Variants in ANXA6 observed in about 807,000 individuals in gnomAD.
The protein encoded by ANXA6 is annexin A6, also known as 67 kDa calelectrin.
In ANXA6, 71 loss-of-function variants were observed where a neutral mutation model predicts 95.4. That is an observed-to-expected ratio of 0.74 (90% CI 0.61 to 0.91). The LOEUF (loss-of-function observed/expected upper bound fraction) is 0.91, where lower values mean the gene tolerates loss of function less well. Among genes scored for constraint, ANXA6 ranks in the 40% least tolerant of loss-of-function variants. ANXA6 has a pLI of 0.00. For synonymous variants in ANXA6, 289 were observed against 315.9 expected (o/e 0.91, Z 0.90); for missense variants, 830 against 876.4 (o/e 0.95, Z 0.67).
chr5:151,123,291 C>A (rs1017324065), intron 15 of ANXA6, among the ~76,000 whole-genome samples: 1 of 152,172 alleles, frequency 6.6e-6, no homozygotes, highest in African/African-American at 2.4e-5. Context: ...CTAGTTCTGG[C>A]TCTGGCAATG....
At chr5:151,110,517 A>T (rs1007329847) in intron 21 of ANXA6, 110 bp downstream of exon 21, 1 of 1,224,258 alleles carries the variant, frequency 8.2e-7, no homozygotes, top group Non-Finnish European at 1.2e-6. Context: ...GAGAGAGAGA[A>T]GCCGCACAGC....
At chr5:151,127,942 C>G (rs1765373583) in intron 13 of ANXA6, among the ~76,000 whole-genome samples, 1 of 152,178 alleles carries the variant, frequency 6.6e-6, no homozygotes, top group Non-Finnish European at 1.5e-5. Flanking sequence ...TCCAAGTTCA[C>G]AAGAGCAGAC....
intron 2 of ANXA6, chr5:151,140,605 T>TATATATATATATA (rs1561583202): frequency 2.8e-5 from 4 of 144,238 alleles, no homozygotes; most frequent in African/African-American, 5.2e-5. Flanking sequence ...TATATATATA[T>TATATATATATATA]TTTAAGAGAT....
At chr5:151,131,339 G>T (rs1765507329) in intron 10 of ANXA6, 50 bp from the exon 11 acceptor site, 15 of 1,581,146 alleles carry the variant, frequency 9.5e-6, no homozygotes, top group Non-Finnish European at 1.2e-5. Context: ...CTCAGAAGGG[G>T]GATGGGATGG....
chr5:151,118,088 A>G (rs930163358), intron 18 of ANXA6, among the ~76,000 whole-genome samples: 1 of 151,990 alleles, frequency 6.6e-6, no homozygotes, highest in African/African-American at 2.4e-5. Flanking sequence ...GTCCCATTGC[A>G]TCTCGCCTTT....
chr5:151,132,146 C>T (rs1472243799), intron 10 of ANXA6, among the ~76,000 whole-genome samples: 1 of 152,148 alleles, frequency 6.6e-6, no homozygotes, highest in Non-Finnish European at 1.5e-5. Flanking sequence ...AGATTACACA[C>T]TCAGCACAGT....
Position 151,133,160 on chromosome 5 carries a change from A to C in ANXA6, c.574T>G (p.Trp192Gly). ...ATGAACTGGGCTTCATCTGTTCCCC[A>C]TTTCAGTTCCCCTGCCTCGTATAGG... ...QDLYEAGELK[W>G]GTDEAQFIYI... Residue 192 changes from tryptophan to glycine, a missense_variant, in exon 9 of 26, where the codon TGG (tryptophan) becomes GGG (glycine). Physicochemically the swap from Trp to Gly is radical, Grantham distance 184. Coordinates refer to ENST00000354546, the MANE Select transcript of ANXA6 (RefSeq NM_001155.5). 6.3e-7 allele frequency: 1 copy of C among 1,595,528 alleles called. No individual in the cohort carries two copies. Among genetic ancestry groups the C allele is most frequent in the Non-Finnish European group, 8.5e-7 (1 of 1,170,518 alleles).
intron 7 of ANXA6, among the ~76,000 whole-genome samples, chr5:151,135,368 T>C (rs2113937310): frequency 6.6e-6 from 1 of 152,346 alleles, no homozygotes; most frequent in Admixed American, 6.5e-5. Context: ...CAGGTCACAC[T>C]GTCCCACTCC....
intron 21 of ANXA6, 79 bp downstream of exon 21, chr5:151,110,548 G>C (rs879527261): frequency 6.0e-6 from 9 of 1,500,130 alleles, no homozygotes; most frequent in African/African-American, 4.1e-5. Context: ...ATCACTGCTC[G>C]ATACTGCCCC....
intron 6 of ANXA6, 29 bp from the exon 7 acceptor site, chr5:151,136,364 C>T (rs1237311496): frequency 1.2e-6 from 2 of 1,611,036 alleles, no homozygotes; most frequent in East Asian, 2.2e-5. Flanking sequence ...GCTCTAGTCT[C>T]ATCCCCAGAG....
At chr5:151,114,637 AAAAAAAAAG>A (rs1319753001) in intron 20 of ANXA6, among the ~76,000 whole-genome samples, 1 of 147,892 alleles carries the variant, frequency 6.8e-6, no homozygotes. Context: ...AAAAAAAAAA[AAAAAAAAAG>A]TCTGAGTATT....
At chr5:151,148,996 G>A (rs1766038457) in intron 1 of ANXA6, among the ~76,000 whole-genome samples, 1 of 141,826 alleles carries the variant, frequency 7.1e-6, no homozygotes. Flanking sequence ...GTAACATAGT[G>A]AGACCCGATC....
Position 151,132,528 on chromosome 5 carries a change from G to A in ANXA6, c.684C>T (p.Ala228=). The A allele has an allele frequency of 6.2e-7, 1 of 1,613,448 alleles. No homozygotes were observed. Among genetic ancestry groups the A allele is most frequent in the Non-Finnish European group, 8.5e-7 (1 of 1,179,736 alleles). ...YLKTTGKPIE[A]SIRGELSGDF... ...CCCCAGACAGCTCCCCTCGGATGCT[G>A]GCTTCAATCGGCTTCCCTGTGGTCT... Residue 228 remains alanine, a synonymous_variant, in exon 10 of 26, where the codon GCC becomes GCT. Coordinates refer to ENST00000354546, the MANE Select transcript of ANXA6 (RefSeq NM_001155.5).
chr5:151,111,442 CTCT>C (rs975979268), intron 20 of ANXA6, among the ~76,000 whole-genome samples: 5 of 152,210 alleles, frequency 3.3e-5, no homozygotes, highest in African/African-American at 9.6e-5. Context: ...GGAAACCTTC[CTCT>C]TCTTTTCATT....
chr5:151,114,403 G>C (rs1270733665), intron 20 of ANXA6, among the ~76,000 whole-genome samples: 1 of 151,894 alleles, frequency 6.6e-6, no homozygotes, highest in Non-Finnish European at 1.5e-5. Flanking sequence ...CTTGAGGTCA[G>C]GAGTTCATAA....
At chr5:151,118,430 T>A (rs1233051576) in intron 18 of ANXA6, among the ~76,000 whole-genome samples, 1 of 151,772 alleles carries the variant, frequency 6.6e-6, no homozygotes. Flanking sequence ...CTTAGCTAAT[T>A]TTTTTGTTTT....
In ANXA6 at chr5:151,137,233, T is replaced by G. The variant is rs375346713; in HGVS notation, c.407A>C (p.Asp136Ala). 1 of 1,613,332 alleles carries G rather than the reference T, an allele frequency of 6.2e-7. No homozygotes were observed. The highest frequency in any genetic ancestry group is 1.3e-5 in the African/African-American group (1 of 74,906). ...QMHQLVAAYKDAYERDLEADI... is the reference protein window; with the variant it reads ...QMHQLVAAYKAAYERDLEADI... ...GCGGCCCCTCCTGCCCATCTCACCATCTTTGTATGCTGCCACCAGCTGGTG... is the reference window on the plus strand; with the variant it reads ...GCGGCCCCTCCTGCCCATCTCACCAGCTTTGTATGCTGCCACCAGCTGGTG... Residue 136 changes from aspartate (D) to alanine (A), a missense_variant and splice_region_variant, in exon 6 of 26, where the codon GAT becomes GCT. Physicochemically the swap from Asp to Ala is moderately radical, Grantham distance 126 (BLOSUM62 -2). Transcript: ENST00000354546.
intron 6 of ANXA6, 22 bp downstream of exon 6, chr5:151,137,209 C>T (rs371165306): frequency 1.0e-4 from 166 of 1,600,964 alleles, no homozygotes; most frequent in African/African-American, 2.3e-4. Context: ...AGATCCTAAG[C>T]GGCCCCTCCT....
intron 23 of ANXA6, among the ~76,000 whole-genome samples, chr5:151,106,655 A>T (rs1764702116): frequency 6.6e-6 from 1 of 152,008 alleles, no homozygotes; most frequent in Non-Finnish European, 1.5e-5. Flanking sequence ...TATCTCTCTA[A>T]ATCAAATCCC....
Sources: allele counts gnomAD v4.1 joint callset (sites outside exome capture counted in the v4.1 genomes callset), GRCh38; gene constraint gnomAD v4.1.1; transcripts MANE v1.5; gene names NCBI Gene and HGNC (gene_info 2026-07-23, HGNC 2026-07-21).